The following CCDC180 variants were observed in gnomAD, a reference collection of about 807,000 sequenced individuals.
CCDC180 encodes coiled-coil domain-containing protein 180.
CCDC180 carries 154 observed loss-of-function variants against 209.2 expected under a neutral mutation model. The ratio of observed to expected loss-of-function variants is 0.74; its 90% CI spans 0.65 to 0.84. The LOEUF is 0.84. Among genes scored for constraint, CCDC180 ranks in the 40% least tolerant of loss-of-function variants. The pLI is 0.00. For synonymous variants in CCDC180, 778 were observed against 749.1 expected (o/e 1.04, Z -0.63); for missense variants, 1,874 against 1,997.3 (o/e 0.94, Z 1.18).
At chr9:97,354,486 G>A in intron 22 of CCDC180, 83 bp from the exon 23 acceptor site, 2 of 1,392,810 alleles carry the variant, frequency 1.4e-6, no homozygotes, top group Non-Finnish European at 2.0e-6. Flanking sequence ...TAGATTAAAA[G>A]TGTGTGTCAG....
intron 20 of CCDC180, 63 bp downstream of exon 20, chr9:97,347,552 C>A: frequency 6.8e-7 from 1 of 1,461,156 alleles, no homozygotes; most frequent in Non-Finnish European, 9.2e-7. Flanking sequence ...TCTGCTCCAC[C>A]GCGGCTCCAT....
chr9:97,307,781 C>T lies in CCDC180; in HGVS notation c.-107C>T. ...ATGCGCGGCGGGGAGAACCGGCCTC[C>T]TGCTCGAGTTCAGAGCTCATCTGAG... On this transcript the variant is annotated 5_prime_UTR_variant, in exon 1 of 37. Transcript: ENST00000529487. The T allele has an allele frequency of 6.2e-7, 1 of 1,614,224 alleles. No individual in the cohort carries two copies. Among genetic ancestry groups the T allele is most frequent in the Non-Finnish European group, 8.5e-7 (1 of 1,180,044 alleles).
In CCDC180 at chr9:97,314,704, G is replaced by T. The variant is rs373860685; in HGVS notation, c.675G>T (p.Ser225=). 13 of 1,613,808 alleles carry T rather than the reference G, an allele frequency of 8.1e-6. No homozygotes were observed. Among genetic ancestry groups the T allele is most frequent in the Non-Finnish European group, 9.3e-6 (11 of 1,179,962 alleles). Residue 225 remains serine (S), a synonymous_variant, in exon 7 of 37, where the codon TCG becomes TCT. Transcript: ENST00000529487. The stretch of plus-strand genomic sequence containing the variant: ...AGGAGCTGGATGAGGCCCTGCACTC[G>T]CTGGAGTTCTCCCGAACCGATAAAG... ...EIKELDEALH[S]LEFSRTDKLK... is the part of the protein sequence containing the mutation.
chr9:97,350,455 G>A lies in CCDC180; in HGVS notation c.2902G>A (p.Val968Ile). Residue 968 changes from valine to isoleucine, a missense_variant, in exon 22 of 37, where the codon GTT (valine) becomes ATT (isoleucine). Val to Ile is a conservative substitution (Grantham distance 29, BLOSUM62 3). Coordinates refer to ENST00000529487, the MANE Select transcript of CCDC180 (RefSeq NM_020893.6). ...NTLHQELLSY[V>I]DVTQVSLRSF... Reference sequence around the variant, plus strand: ...ACTGCACCAGGAGTTGCTTAGCTATGTTGATGTCACCCAGGTGTCCCTGCG... The same window carrying A: ...ACTGCACCAGGAGTTGCTTAGCTATATTGATGTCACCCAGGTGTCCCTGCG... The A allele has an allele frequency of 6.5e-7, 1 of 1,536,138 alleles. No individual in the cohort carries two copies. Among genetic ancestry groups the A allele is most frequent in the Non-Finnish European group, 8.7e-7 (1 of 1,146,976 alleles).
chr9:97,357,730 G>A lies in CCDC180; in HGVS notation c.3363+5G>A, dbSNP rs1008419731. The A allele has an allele frequency of 3.8e-6, 6 of 1,575,108 alleles. No individual in the cohort carries two copies. The highest frequency in any genetic ancestry group is 5.2e-6 in the Non-Finnish European group (6 of 1,149,416). ...GAGTCCAGGGGAGAGAAAACCGTAA[G>A]TGTTCAATAGATTCTGCATGTGAAT... On this transcript the variant is annotated splice_donor_5th_base_variant and intron_variant, in intron 25 of 36. Coordinates refer to ENST00000529487, the MANE Select transcript of CCDC180 (RefSeq NM_020893.6).
intron 18 of CCDC180, 146 bp from the exon 19 acceptor site, chr9:97,343,193 TG>T: frequency 3.5e-6 from 2 of 571,444 alleles, no homozygotes; most frequent in Non-Finnish European, 6.2e-6. Context: ...AAGCACTGTG[TG>T]GGGGGCGAAA....
chr9:97,328,080 G>GA lies in CCDC180; in HGVS notation c.1725dup (p.Glu576ArgfsTer17). The GA allele has an allele frequency of 6.2e-7, 1 of 1,614,062 alleles. No homozygotes were observed. The highest frequency in any genetic ancestry group is 1.3e-5 in the African/African-American group (1 of 75,044). Reference sequence around the variant, plus strand: ...TGATGGAGTACCCAGCGATCATGCTGAAAGAACTCAACTCCTACAGCTCTG... The same window carrying GA: ...TGATGGAGTACCCAGCGATCATGCTGAAAAGAACTCAACTCCTACAGCTCTG... On this transcript the variant is annotated frameshift_variant, in exon 16 of 37. Transcript: ENST00000529487. LOFTEE classifies it high-confidence loss of function.
intron 34 of CCDC180, 172 bp from the exon 35 acceptor site, chr9:97,374,371 G>A (rs1023491873): frequency 3.4e-4 from 201 of 592,352 alleles, no homozygotes; most frequent in Non-Finnish European, 5.7e-4. Flanking sequence ...TCACCACCCC[G>A]AGCTGTGTGG....
intron 29 of CCDC180, 69 bp from the exon 30 acceptor site, chr9:97,365,604 C>G: frequency 7.1e-7 from 1 of 1,400,248 alleles, no homozygotes; most frequent in Non-Finnish European, 1.0e-6. Flanking sequence ...AAGTTCTGTT[C>G]ATGTGGTTTT....
chr9:97,340,689 A>G (rs1355272544), intron 18 of CCDC180, among the ~76,000 whole-genome samples: 1 of 152,222 alleles, frequency 6.6e-6, no homozygotes, highest in African/African-American at 2.4e-5. Context: ...TCCTTGGTCT[A>G]GCGGTGACGC....
chr9:97,351,996 C>T (rs1826434092), intron 22 of CCDC180, among the ~76,000 whole-genome samples: 1 of 151,984 alleles, frequency 6.6e-6, no homozygotes. Context: ...GCCTGTAATC[C>T]CAGGTACTTG....
Position 97,313,642 on chromosome 9 carries a change from C to T in CCDC180, c.459+297C>T, listed in dbSNP as rs552983468. Among the ~76,000 whole-genome samples, 53 of 152,332 alleles carry T rather than the reference C, an allele frequency of 3.5e-4. 1 individual carries two copies. Among genetic ancestry groups the T allele is most frequent in the Non-Finnish European group, 3.7e-4 (25 of 68,036 alleles). ...GCATAAGGGCCCAAGTCAGAACTTC[C>T]CTCCAGGTCTGACACCAAAGCCTAG... On this transcript the variant is annotated intron_variant, in intron 5 of 36. Transcript: ENST00000529487.
chr9:97,321,665 G>T (rs949375176), intron 11 of CCDC180, among the ~76,000 whole-genome samples: 3 of 152,188 alleles, frequency 2.0e-5, no homozygotes, highest in Non-Finnish European at 2.9e-5. Context: ...AGCTGGCTCT[G>T]CCCTCCGGCA....
At chr9:97,351,515 A>G (rs1181908508) in intron 22 of CCDC180, among the ~76,000 whole-genome samples, 2 of 152,186 alleles carry the variant, frequency 1.3e-5, no homozygotes, top group African/African-American at 2.4e-5. Context: ...AGTCTTTGAC[A>G]TTTTTGAAAG....
chr9:97,349,179 A>G lies in CCDC180; in HGVS notation c.2743A>G (p.Lys915Glu). ...CAGVTETLKK[K>E]RLMFCQFQEE... ...TGGGGTGACCGAGACGCTGAAGAAGAAGCGGCTGATGTTCTGCCAGTTCCA... is the reference window on the plus strand; with the variant it reads ...TGGGGTGACCGAGACGCTGAAGAAGGAGCGGCTGATGTTCTGCCAGTTCCA... Residue 915 changes from lysine to glutamate, a missense_variant, in exon 21 of 37, where the codon AAG (lysine) becomes GAG (glutamate). Transcript: ENST00000529487. The G allele has an allele frequency of 6.5e-7, 1 of 1,536,420 alleles. No homozygotes were observed. Among genetic ancestry groups the G allele is most frequent in the Non-Finnish European group, 8.7e-7 (1 of 1,146,980 alleles).
chr9:97,317,208 G>C lies in CCDC180; in HGVS notation c.939G>C (p.Glu313Asp), dbSNP rs1358281596. The C allele has an allele frequency of 2.5e-6, 4 of 1,603,238 alleles. No individual in the cohort carries two copies. The highest frequency in any genetic ancestry group is 3.4e-6 in the Non-Finnish European group (4 of 1,171,914). The change falls in exon 9 of 37, where the codon GAG becomes GAC. Residue 313 changes from glutamate to aspartate, a missense_variant. Physicochemically the swap from Glu to Asp is conservative, Grantham distance 45 (BLOSUM62 2). Coordinates refer to ENST00000529487, the MANE Select transcript of CCDC180 (RefSeq NM_020893.6). Reference sequence around the variant, plus strand: ...ACACCTGGAAGGCTCTCAAGAAGGAGGCCCTGCTGCAGAGTTTCAGGTCAG... The same window carrying C: ...ACACCTGGAAGGCTCTCAAGAAGGACGCCCTGCTGCAGAGTTTCAGGTCAG... Reference protein sequence around the residue: ...LVDTWKALKKEALLQSFSEFM... With the variant: ...LVDTWKALKKDALLQSFSEFM...
Position 97,354,955 on chromosome 9 carries a change from A to G in CCDC180, c.3211A>G (p.Ile1071Val), listed in dbSNP as rs1435065013. ...TAACCTGTCTGTGGACCTTATTTTC[A>G]TAGAGAAAATCCAGCGGTTGCTGAC... ...FHNLSVDLIF[I>V]EKIQRLLTNL... Residue 1071 changes from isoleucine to valine, a missense_variant, in exon 24 of 37, where the codon ATA (isoleucine) becomes GTA (valine). By Grantham distance (29) the Ile-to-Val change is conservative (BLOSUM62 3). Transcript: ENST00000529487. The G allele has an allele frequency of 6.2e-7, 1 of 1,614,126 alleles. No homozygotes were observed. Among genetic ancestry groups the G allele is most frequent in the Non-Finnish European group, 8.5e-7 (1 of 1,179,962 alleles).
At chr9:97,338,636 C>T (rs1825982280) in intron 18 of CCDC180, among the ~76,000 whole-genome samples, 1 of 152,190 alleles carries the variant, frequency 6.6e-6, no homozygotes, top group African/African-American at 2.4e-5. Flanking sequence ...AATGTATATT[C>T]TGTTGATTTG....
intron 19 of CCDC180, 27 bp from the exon 20 acceptor site, chr9:97,347,287 G>A: frequency 6.5e-7 from 1 of 1,533,056 alleles, no homozygotes; most frequent in South Asian, 1.2e-5. Context: ...TGCTGGCAGG[G>A]CTGACCCTGG....
Sources: allele counts gnomAD v4.1 joint callset (sites outside exome capture counted in the v4.1 genomes callset), GRCh38; gene constraint gnomAD v4.1.1; transcripts MANE v1.5; gene names NCBI Gene and HGNC (gene_info 2026-07-23, HGNC 2026-07-21).